Variants in ARHGEF10 observed in about 807,000 individuals in gnomAD.
ARHGEF10 encodes the protein Rho guanine nucleotide exchange factor 10.
Under a neutral mutation model 147.4 loss-of-function variants are expected in ARHGEF10, and 140 were observed. The observed-to-expected ratio is 0.95, with a 90% CI of 0.83 to 1.09. The LOEUF (loss-of-function observed/expected upper bound fraction) is 1.09. Among genes scored for constraint, ARHGEF10 ranks in the 50% least tolerant of loss-of-function variants. The pLI is 0.00. For synonymous variants in ARHGEF10, 902 were observed against 695.8 expected, an observed-to-expected ratio of 1.30 and a Z score of -4.67; for missense variants, 2,222 against 1,752.7, an observed-to-expected ratio of 1.27 and a Z score of -4.78.
Position 1,928,498 on chromosome 8 carries a change from T to A in ARHGEF10, c.2769T>A (p.Ile923=), listed in dbSNP as rs755845522. 5.0e-6 allele frequency: 8 copies of A among 1,614,124 alleles called. No homozygotes were observed. The highest frequency in any genetic ancestry group is 1.1e-5 in the South Asian group (1 of 91,066). ...TTCAAAATTCCACTCCCAAAGTCAT[T>A]GAGTGCTTCAACGTGGAATCTCGCA... The part of the protein sequence containing the change: ...VSFQNSTPKV[I]ECFNVESRIL... Residue 923 remains isoleucine (I), a synonymous_variant, in exon 24 of 29, where the codon ATT becomes ATA. Transcript: ENST00000349830.
intron 28 of ARHGEF10, among the ~76,000 whole-genome samples, chr8:1,953,744 T>TTG (rs1815250321): frequency 6.6e-6 from 1 of 152,204 alleles, no homozygotes; most frequent in Non-Finnish European, 1.5e-5. Flanking sequence ...AGAAGTGGTG[T>TTG]GTGCAGAGCC....
chr8:1,836,309 G>A (rs1803577008), intron 1 of ARHGEF10, among the ~76,000 whole-genome samples: 1 of 152,192 alleles, frequency 6.6e-6, no homozygotes, highest in Non-Finnish European at 1.5e-5. Context: ...ATGAGCTCAT[G>A]CTGCACGCTC....
At chr8:1,945,920 G>GGGAGGAGCCGCGTGA in intron 27 of ARHGEF10, 1 of 34,694 alleles carries the variant, frequency 2.9e-5, no homozygotes, top group Non-Finnish European at 6.1e-5. Context: ...GAGCCGCGTG[G>GGGAGGAGCCGCGTGA]CAGTGCCATC....
At position 1,879,247 on chromosome 8, in the gene ARHGEF10, C is replaced by T. The variant is rs547270592; in HGVS notation, c.844-801C>T. Among the ~76,000 whole-genome samples the T allele has an allele frequency of 1.8e-4, 27 of 152,242 alleles. No homozygotes were observed. The South Asian group carries it at 2.3e-3, about 13-fold the overall frequency. ...GAGAAGGATCCAGGGGGTCCCCAGT[C>T]CCGTCAGTTAGAGAGAAAGTGATCT... On this transcript the variant is annotated intron_variant, in intron 8 of 28. Coordinates refer to ENST00000349830, the MANE Select transcript of ARHGEF10 (RefSeq NM_014629.4).
At position 1,882,626 on chromosome 8, in the gene ARHGEF10, C is replaced by T; in HGVS notation, c.961-9C>T. On this transcript the variant is annotated splice_polypyrimidine_tract_variant and intron_variant, in intron 9 of 28. Transcript: ENST00000349830. ...CCGTCCCGTTCTCACATCTCCCTCTCCGTCGCAGATGCAGAAGCTCGTGAA... is the reference window on the plus strand; with the variant it reads ...CCGTCCCGTTCTCACATCTCCCTCTTCGTCGCAGATGCAGAAGCTCGTGAA... 1 of 1,550,688 alleles carries T rather than the reference C, an allele frequency of 6.4e-7. No homozygotes were observed. Among genetic ancestry groups the T allele is most frequent in the Non-Finnish European group, 8.7e-7 (1 of 1,146,142 alleles).
chr8:1,866,405 A>C, intron 5 of ARHGEF10, 121 bp from the exon 6 acceptor site: 2 of 472,422 alleles, frequency 4.2e-6, no homozygotes, highest in Non-Finnish European at 7.0e-6. Context: ...GTATAGTAAC[A>C]TATATATATA....
chr8:1,879,130 A>T (rs560794720), intron 8 of ARHGEF10, among the ~76,000 whole-genome samples: 2 of 152,202 alleles, frequency 1.3e-5, no homozygotes, highest in Non-Finnish European at 2.9e-5. Flanking sequence ...ATTTTGTTAA[A>T]AACTTCCTAA....
intron 2 of ARHGEF10, among the ~76,000 whole-genome samples, chr8:1,845,759 A>G (rs1208123041): frequency 2.0e-5 from 3 of 152,120 alleles, no homozygotes; most frequent in African/African-American, 2.4e-5. Context: ...CCATCCACCC[A>G]TGGTCTCCAC....
At chr8:1,826,725 T>A (rs1349736934) in intron 1 of ARHGEF10, among the ~76,000 whole-genome samples, 3 of 152,238 alleles carry the variant, frequency 2.0e-5, no homozygotes, top group African/African-American at 4.8e-5. Context: ...GAAAGCGCTG[T>A]TGTAGGCCCG....
intron 27 of ARHGEF10, among the ~76,000 whole-genome samples, chr8:1,949,473 T>G (rs1327194043): frequency 6.6e-6 from 1 of 152,128 alleles, no homozygotes; most frequent in Non-Finnish European, 1.5e-5. Context: ...CCTCAGCTTT[T>G]AGGTTGTGAG....
At chr8:1,897,011 G>C (rs1464147710) in intron 14 of ARHGEF10, among the ~76,000 whole-genome samples, 1 of 147,684 alleles carries the variant, frequency 6.8e-6, no homozygotes, top group African/African-American at 2.7e-5. Context: ...CCCAGTCGTG[G>C]GATGCGTGTC....
At position 1,945,699 on chromosome 8, in the gene ARHGEF10, G is replaced by C. The variant is rs758912368; in HGVS notation, c.3397+44G>C. On this transcript the variant is annotated intron_variant, in intron 27 of 28. Coordinates refer to ENST00000349830, the MANE Select transcript of ARHGEF10 (RefSeq NM_014629.4). ...GCCCAGGGATGGGACAGCAACCGGG[G>C]ACGGACGTGGGGGGTGCGGAGCGCT... 3 of 1,612,074 alleles carry C rather than the reference G, an allele frequency of 1.9e-6. No individual in the cohort carries two copies. The African/African-American group carries it at 4.0e-5, about 22-fold the overall frequency.
chr8:1,950,055 C>T (rs1023305040), intron 27 of ARHGEF10, among the ~76,000 whole-genome samples: 10 of 152,182 alleles, frequency 6.6e-5, no homozygotes, highest in South Asian at 2.1e-4. Context: ...TGACTCCCCA[C>T]GGAGTCACCA....
intron 27 of ARHGEF10, among the ~76,000 whole-genome samples, chr8:1,946,654 G>T (rs922843709): frequency 6.6e-6 from 1 of 152,236 alleles, no homozygotes; most frequent in African/African-American, 2.4e-5. Flanking sequence ...ACTGCGGGCA[G>T]GGCTTCAACA....
rs112343712 is a variant in ARHGEF10 at position 1,857,826 on chromosome 8, G to A, written c.38-134G>A. 845 of 799,708 alleles carry A rather than the reference G, an allele frequency of 1.1e-3. 5 individuals are homozygous for A. The African/African-American group carries it at 0.012, about 12-fold the overall frequency. The allele number at this position is 799,708 out of a possible 1,614,324, so 49.5% of individuals were successfully genotyped here. ...CCCCTTAAAAAGGTTAACTACAAGCGCAGTACAGCACAGAGGAACTTAGTC... is the reference window on the plus strand; with the variant it reads ...CCCCTTAAAAAGGTTAACTACAAGCACAGTACAGCACAGAGGAACTTAGTC... On this transcript the variant is annotated intron_variant, in intron 2 of 28. Transcript: ENST00000349830.
intron 11 of ARHGEF10, among the ~76,000 whole-genome samples, chr8:1,885,959 C>A (rs1412961352): frequency 2.0e-5 from 3 of 152,116 alleles, no homozygotes; most frequent in Non-Finnish European, 4.4e-5. Context: ...TTGGACAGCA[C>A]CCCTGCCCCT....
intron 1 of ARHGEF10, 62 bp from the exon 2 acceptor site, chr8:1,843,291 C>A: frequency 1.5e-6 from 2 of 1,325,696 alleles, no homozygotes; most frequent in Non-Finnish European, 2.1e-6. Context: ...GACAGCCCTA[C>A]ACCTATTGAG....
At chr8:1,898,784 T>A (rs1810227953) in intron 15 of ARHGEF10, among the ~76,000 whole-genome samples, 1 of 151,916 alleles carries the variant, frequency 6.6e-6, no homozygotes, top group African/African-American at 2.4e-5. Flanking sequence ...GGAGGGGTGT[T>A]GTGGGCCCTG....
At chr8:1,882,357 G>T (rs1188819481) in intron 9 of ARHGEF10, among the ~76,000 whole-genome samples, 7 of 152,224 alleles carry the variant, frequency 4.6e-5, no homozygotes, top group Non-Finnish European at 7.3e-5. Flanking sequence ...ACTCACCTGT[G>T]ACCCCCACGT....
Sources: gnomAD v4.1 joint callset for allele counts (sites outside exome capture counted in the v4.1 genomes callset) on GRCh38, gnomAD v4.1.1 for gene constraint, MANE v1.5 for transcripts, NCBI Gene and HGNC (gene_info 2026-07-23, HGNC 2026-07-21) for gene names.